Variants in SOCS2 observed in about 807,000 individuals in gnomAD.
SOCS2 encodes CIS-2.
SOCS2 carries 10 observed loss-of-function variants against 18.6 expected under a neutral mutation model. That is an observed-to-expected ratio of 0.54 (90% CI 0.33 to 0.91). The LOEUF is 0.91. SOCS2 is among the 40% of genes least tolerant of loss of function. The probability of loss-of-function intolerance (pLI) is 0.02; values close to 1 mark genes in which losing one functional copy is unlikely to be tolerated. For missense variants in SOCS2, 231 were observed against 247.2 expected (o/e 0.93, Z 0.44); for synonymous variants, 104 against 104.0 (o/e 1.00, Z 0.00).
the SOCS2 span, among the ~76,000 whole-genome samples, chr12:93,619,013 T>C: frequency 6.6e-6 from 1 of 151,988 alleles, no homozygotes; most frequent in South Asian, 2.1e-4. Context: ...CTGAAGGGAA[T>C]TTGAGAAAGG....
At chr12:93,613,003 A>C in the SOCS2 span, among the ~76,000 whole-genome samples, 1 of 152,232 alleles carries the variant, frequency 6.6e-6, no homozygotes, top group Non-Finnish European at 1.5e-5. Context: ...AGCCCAAGGA[A>C]AGTGGCTGAG....
At chr12:93,621,709 C>T in the SOCS2 span, among the ~76,000 whole-genome samples, 7 of 152,186 alleles carry the variant, frequency 4.6e-5, no homozygotes, top group African/African-American at 1.7e-4. Context: ...GTCTTGAACC[C>T]CTGGCCTCAA....
chr12:93,574,966 C>A lies in SOCS2; in HGVS notation c.384C>A (p.Tyr128Ter). ...QFDSVVHLID[Y>*]YVQMCKDKRT... is the part of the protein sequence containing the mutation. ...ACAGTGTGGTTCATCTGATCGACTA[C>A]TATGTTCAGATGTGCAAGGATAAGC... The change falls in exon 2 of 2, where the codon TAC (tyrosine) becomes TAA (stop). Residue 128 changes from tyrosine (Y) to a stop codon, truncating the protein, a stop_gained. Transcript: ENST00000551556. LOFTEE classifies it high-confidence loss of function. The A allele has an allele frequency of 6.2e-7, 1 of 1,614,134 alleles. No homozygotes were observed. Among genetic ancestry groups the A allele is most frequent in the Admixed American group, 1.7e-5 (1 of 60,024 alleles).
At chr12:93,614,633 T>A in the SOCS2 span, among the ~76,000 whole-genome samples, 2 of 136,008 alleles carry the variant, frequency 1.5e-5, no homozygotes, top group African/African-American at 2.8e-5. Flanking sequence ...CTTTCTTTCT[T>A]TTGATGGAGT....
the SOCS2 span, among the ~76,000 whole-genome samples, chr12:93,600,715 GTT>G: frequency 5.9e-5 from 8 of 136,400 alleles, no homozygotes; most frequent in South Asian, 1.6e-3. Context: ...GTTACGTAAA[GTT>G]TTTTTTTTTT....
downstream of SOCS2, among the ~76,000 whole-genome samples, chr12:93,584,719 T>A (rs561723596): frequency 6.6e-6 from 1 of 152,260 alleles, no homozygotes; most frequent in South Asian, 2.1e-4. Flanking sequence ...ATCCTAATTA[T>A]CCAGCTTGGA....
chr12:93,589,061 C>G, the SOCS2 span, among the ~76,000 whole-genome samples: 1 of 152,210 alleles, frequency 6.6e-6, no homozygotes, highest in Non-Finnish European at 1.5e-5. Context: ...CCAGTGCTAT[C>G]ATTATTTACC....
the SOCS2 span, among the ~76,000 whole-genome samples, chr12:93,608,125 T>A: frequency 6.6e-6 from 1 of 150,876 alleles, no homozygotes; most frequent in South Asian, 2.1e-4. Context: ...CTCAAACTCC[T>A]CAAACTCCAT....
the SOCS2 span, among the ~76,000 whole-genome samples, chr12:93,614,573 T>C: frequency 3.7e-5 from 3 of 80,428 alleles, no homozygotes; most frequent in East Asian, 6.0e-4. Context: ...CTTTCTTTCT[T>C]TCTTTCTTTC....
In SOCS2 at chr12:93,572,912, C is replaced by A; in HGVS notation, c.15C>A (p.Cys5Ter). ...ACCCTTCTCTCATGACCCTGCGGTG[C>A]CTTGAGCCCTCCGGGAATGGCGGGG... The part of the protein sequence containing the change: MTLR[C>*]LEPSGNGGEG... Residue 5 changes from cysteine to a stop codon, truncating the protein, a stop_gained, in exon 1 of 2, where the codon TGC (cysteine) becomes TGA (stop). Coordinates refer to ENST00000551556, the MANE Select transcript of SOCS2 (RefSeq NM_001270471.2). LOFTEE classifies it high-confidence loss of function. This position sits in a 1 kb window ranked among gnomAD's most constrained non-coding sequence, Gnocchi z 5.0. 1 of 1,579,458 alleles carries A rather than the reference C, an allele frequency of 6.3e-7. No individual in the cohort carries two copies. The highest frequency in any genetic ancestry group is 1.3e-5 in the African/African-American group (1 of 74,258).
chr12:93,623,216 A>G, the SOCS2 span, among the ~76,000 whole-genome samples: 1 of 151,988 alleles, frequency 6.6e-6, no homozygotes, highest in Non-Finnish European at 1.5e-5. Flanking sequence ...CTGATGGTTT[A>G]AGTGCCAAGA....
At chr12:93,619,131 G>C in the SOCS2 span, among the ~76,000 whole-genome samples, 1 of 152,366 alleles carries the variant, frequency 6.6e-6, no homozygotes, top group South Asian at 2.1e-4. Flanking sequence ...GGGCAAGAGT[G>C]CAGAGCTGTG....
At chr12:93,620,910 T>G in the SOCS2 span, among the ~76,000 whole-genome samples, 1 of 152,224 alleles carries the variant, frequency 6.6e-6, no homozygotes, top group Non-Finnish European at 1.5e-5. Flanking sequence ...GATAGATGGA[T>G]ACCTTTGGGA....
downstream of SOCS2, among the ~76,000 whole-genome samples, chr12:93,579,240 T>C (rs374911594): frequency 2.0e-4 from 30 of 152,210 alleles, no homozygotes; most frequent in East Asian, 1.3e-3. Context: ...CTTTCTCCCT[T>C]TCCTATCATA....
At chr12:93,577,468 G>A (rs1402503744), downstream of SOCS2, among the ~76,000 whole-genome samples, 1 of 150,960 alleles carries the variant, frequency 6.6e-6, no homozygotes, top group East Asian at 1.9e-4. Flanking sequence ...ATGATAGGAG[G>A]TTCCCCTCCT....
chr12:93,602,885 C>A, the SOCS2 span, among the ~76,000 whole-genome samples: 1 of 152,188 alleles, frequency 6.6e-6, no homozygotes, highest in African/African-American at 2.4e-5. Context: ...GCCAGGTTGT[C>A]ATCTGGGTCC....
chr12:93,590,696 A>G, the SOCS2 span, among the ~76,000 whole-genome samples: 1 of 146,102 alleles, frequency 6.8e-6, no homozygotes, highest in Admixed American at 7.1e-5. Flanking sequence ...CCGGAGGCTG[A>G]GGCAGAAAGA....
At chr12:93,593,820 C>T in the SOCS2 span, among the ~76,000 whole-genome samples, 338 of 152,256 alleles carry the variant, frequency 2.2e-3, 5 homozygotes, top group African/African-American at 7.8e-3. Flanking sequence ...AACCGAACCA[C>T]GCTAAAATAA....
upstream of SOCS2, chr12:93,572,432 C>T: frequency 2.9e-6 from 1 of 348,804 alleles, no homozygotes; most frequent in Non-Finnish European, 5.6e-6. The surrounding 1 kb of genome is among the most constrained non-coding windows in gnomAD (Gnocchi z 5.0). Context: ...TGACCCTGGG[C>T]GGGAAGACAC....
Sources: gnomAD v4.1 joint callset for allele counts (sites outside exome capture counted in the v4.1 genomes callset) on GRCh38, gnomAD v4.1.1 for gene constraint, Gnocchi (gnomAD v3.1) non-coding constraint, MANE v1.5 for transcripts, NCBI Gene and HGNC (gene_info 2026-07-23, HGNC 2026-07-21) for gene names.